The following RORB variants were observed in gnomAD, a reference collection of about 807,000 sequenced individuals.
The protein encoded by RORB is RAR related orphan receptor B.
A neutral mutation model predicts 59.1 loss-of-function variants in RORB; 6 were observed. The ratio of observed to expected loss-of-function variants is 0.10; its 90% CI spans 0.06 to 0.20. RORB has a LOEUF of 0.20. RORB is among the 10% of genes least tolerant of loss of function. The pLI is 1.00. For synonymous variants in RORB, 215 were observed against 204.5 expected (o/e 1.05, Z -0.44); for missense variants, 320 against 560.5 (o/e 0.57, Z 4.33).
chr9:74,602,768 G>A (rs767453772), intron 1 of RORB, among the ~76,000 whole-genome samples: 1 of 152,128 alleles, frequency 6.6e-6, no homozygotes. Context: ...ATTTTTCACT[G>A]TATAAATTGG....
intron 1 of RORB, among the ~76,000 whole-genome samples, chr9:74,559,463 C>T (rs1369636134): frequency 6.6e-6 from 1 of 152,154 alleles, no homozygotes; most frequent in Non-Finnish European, 1.5e-5. Context: ...CCATGAAACC[C>T]ATTTCATATA....
chr9:74,566,383 A>T (rs2118209995), intron 1 of RORB, among the ~76,000 whole-genome samples: 1 of 151,572 alleles, frequency 6.6e-6, no homozygotes, highest in African/African-American at 2.4e-5. Flanking sequence ...TATTTATGTT[A>T]TTTTCTATTA....
chr9:74,507,723 T>C (rs2118030428), intron 1 of RORB, among the ~76,000 whole-genome samples: 1 of 152,208 alleles, frequency 6.6e-6, no homozygotes. Context: ...CTGGCTTTCA[T>C]TATCATTGCC....
intron 1 of RORB, among the ~76,000 whole-genome samples, chr9:74,601,099 T>C (rs946907160): frequency 6.6e-6 from 1 of 152,240 alleles, no homozygotes; most frequent in Non-Finnish European, 1.5e-5. Flanking sequence ...GCTCATGCAA[T>C]GTTCAATGTT....
At chr9:74,612,843 G>C (rs1329244563) in intron 1 of RORB, among the ~76,000 whole-genome samples, 1 of 151,722 alleles carries the variant, frequency 6.6e-6, no homozygotes, top group Non-Finnish European at 1.5e-5. Flanking sequence ...AGATCGATTT[G>C]CTTTCTGACA....
chr9:74,670,703 A>G (rs1460171492), intron 8 of RORB, among the ~76,000 whole-genome samples: 1 of 152,206 alleles, frequency 6.6e-6, no homozygotes, highest in Non-Finnish European at 1.5e-5. Context: ...ATCTCCTGCC[A>G]GACAGCCCCC....
intron 1 of RORB, among the ~76,000 whole-genome samples, chr9:74,543,244 C>T (rs952135981): frequency 2.0e-5 from 3 of 152,116 alleles, no homozygotes; most frequent in Admixed American, 6.6e-5. Context: ...GCAACCCACC[C>T]TCAAGTGAGA....
intron 9 of RORB, among the ~76,000 whole-genome samples, chr9:74,679,632 G>T (rs961965557): frequency 6.6e-6 from 1 of 152,094 alleles, no homozygotes; most frequent in East Asian, 1.9e-4. Context: ...CACATGGCAG[G>T]TTTCGTTGAG....
At chr9:74,520,048 G>C (rs1826063370) in intron 1 of RORB, among the ~76,000 whole-genome samples, 1 of 151,602 alleles carries the variant, frequency 6.6e-6, no homozygotes, top group African/African-American at 2.4e-5. Flanking sequence ...AGCACATAGA[G>C]ACTTAGAGAG....
intron 1 of RORB, among the ~76,000 whole-genome samples, chr9:74,499,596 T>G (rs1298318758): frequency 6.6e-6 from 1 of 152,168 alleles, no homozygotes; most frequent in Non-Finnish European, 1.5e-5. Flanking sequence ...TCCAGCTGAT[T>G]GTCCCGGTTG....
At chr9:74,644,764 G>A (rs571455832) in intron 4 of RORB, among the ~76,000 whole-genome samples, 7 of 152,312 alleles carry the variant, frequency 4.6e-5, no homozygotes, top group African/African-American at 1.7e-4. Context: ...ACTCACAACA[G>A]TGGAGCAATC....
intron 1 of RORB, among the ~76,000 whole-genome samples, chr9:74,613,301 A>C (rs1459513198): frequency 1.3e-5 from 2 of 152,222 alleles, no homozygotes; most frequent in African/African-American, 4.8e-5. Context: ...AATTTACCCA[A>C]GAAGTGACAA....
At chr9:74,608,704 G>A (rs1406748100) in intron 1 of RORB, among the ~76,000 whole-genome samples, 1 of 151,820 alleles carries the variant, frequency 6.6e-6, no homozygotes, top group Non-Finnish European at 1.5e-5. Context: ...TTTATAACAT[G>A]GATTTGAATC....
intron 3 of RORB, among the ~76,000 whole-genome samples, chr9:74,640,396 C>T (rs1823780473): frequency 6.6e-6 from 1 of 151,832 alleles, no homozygotes; most frequent in Non-Finnish European, 1.5e-5. Context: ...CACACACCAC[C>T]ACGCCCACAA....
chr9:74,601,207 A>G (rs1038445239), intron 1 of RORB, among the ~76,000 whole-genome samples: 1 of 151,986 alleles, frequency 6.6e-6, no homozygotes, highest in African/African-American at 2.4e-5. Context: ...AGTAGGAAAA[A>G]GAAGCTTAGA....
intron 1 of RORB, among the ~76,000 whole-genome samples, chr9:74,507,088 T>C (rs1825880389): frequency 1.3e-5 from 2 of 152,050 alleles, no homozygotes; most frequent in Admixed American, 6.6e-5. Context: ...TTATTGCAAT[T>C]TGTCTCTGGT....
intron 3 of RORB, 81 bp downstream of exon 3, chr9:74,634,853 AT>A: frequency 7.7e-7 from 1 of 1,297,844 alleles, no homozygotes; most frequent in Non-Finnish European, 1.0e-6. Context: ...TGCTGGAAGA[AT>A]TCTAGATGAG....
At chr9:74,572,457 A>G (rs2118230544) in intron 1 of RORB, among the ~76,000 whole-genome samples, 1 of 152,208 alleles carries the variant, frequency 6.6e-6, no homozygotes, top group South Asian at 2.1e-4. Flanking sequence ...TTTTGGAGAG[A>G]GCCAAGATCT....
At chr9:74,568,574 C>T (rs1822502125) in intron 1 of RORB, among the ~76,000 whole-genome samples, 1 of 151,554 alleles carries the variant, frequency 6.6e-6, no homozygotes, top group Non-Finnish European at 1.5e-5. Flanking sequence ...GTGGTGGGCA[C>T]CTATAATCCC....
Sources: gnomAD v4.1 joint callset for allele counts (sites outside exome capture counted in the v4.1 genomes callset) on GRCh38, gnomAD v4.1.1 for gene constraint, MANE v1.5 for transcripts, NCBI Gene and HGNC (gene_info 2026-07-23, HGNC 2026-07-21) for gene names.